Variants in NAALADL2 observed in about 807,000 individuals in gnomAD.
NAALADL2 encodes inactive N-acetylated-alpha-linked acidic dipeptidase-like protein 2.
Under a neutral mutation model 87.2 loss-of-function variants are expected in NAALADL2, and 76 were observed. The observed-to-expected ratio is 0.87, with a 90% CI of 0.72 to 1.05. The LOEUF is 1.05. NAALADL2 is among the 50% of genes least tolerant of loss of function. The pLI is 0.00. For missense variants in NAALADL2, 1,089 were observed against 945.8 expected (o/e 1.15, Z -1.99); for synonymous variants, 354 against 331.0 (o/e 1.07, Z -0.75).
chr3:174,793,401 T>C (rs145220398), intron 3 of NAALADL2, among the ~76,000 whole-genome samples: 2 of 152,304 alleles, frequency 1.3e-5, no homozygotes, highest in East Asian at 1.9e-4. Flanking sequence ...ATACATTATA[T>C]TGATTAATTA....
At chr3:175,622,870 G>A (rs898887450) in intron 10 of NAALADL2, among the ~76,000 whole-genome samples, 2 of 151,980 alleles carry the variant, frequency 1.3e-5, no homozygotes, top group African/African-American at 4.8e-5. Context: ...AGCAGACAAG[G>A]TTTTAGTAAT....
chr3:174,684,310 G>T (rs1727836651), intron 2 of NAALADL2, among the ~76,000 whole-genome samples: 1 of 151,894 alleles, frequency 6.6e-6, no homozygotes. Context: ...CGACTGAATG[G>T]GTATTCAAGA....
At chr3:175,414,165 A>G (rs2149099821) in intron 5 of NAALADL2, among the ~76,000 whole-genome samples, 1 of 152,324 alleles carries the variant, frequency 6.6e-6, no homozygotes, top group Admixed American at 6.5e-5. Context: ...AGACACGGGA[A>G]CAGTATGCCT....
At chr3:174,937,950 G>C (rs1288206620) in intron 1 of NAALADL2, among the ~76,000 whole-genome samples, 2 of 151,966 alleles carry the variant, frequency 1.3e-5, no homozygotes, top group African/African-American at 4.8e-5. Flanking sequence ...TAATTGCAAA[G>C]TTCACTATTT....
At chr3:175,521,375 T>C (rs903186312) in intron 9 of NAALADL2, among the ~76,000 whole-genome samples, 1 of 152,246 alleles carries the variant, frequency 6.6e-6, no homozygotes, top group East Asian at 1.9e-4. Context: ...ATTTTTGTTG[T>C]TCAAAATATA....
chr3:175,566,681 C>T (rs561569756), intron 9 of NAALADL2, among the ~76,000 whole-genome samples: 9 of 152,066 alleles, frequency 5.9e-5, no homozygotes, highest in South Asian at 2.1e-4. Flanking sequence ...ATATAAAAGT[C>T]GCTTTATGTG....
At chr3:175,145,474 C>G (rs1337277510) in intron 2 of NAALADL2, among the ~76,000 whole-genome samples, 1 of 152,068 alleles carries the variant, frequency 6.6e-6, no homozygotes, top group Non-Finnish European at 1.5e-5. Flanking sequence ...TTTCTATTGG[C>G]TTGACGAGCA....
intron 2 of NAALADL2, among the ~76,000 whole-genome samples, chr3:174,693,256 T>C (rs1434560671): frequency 6.6e-6 from 1 of 152,180 alleles, no homozygotes; most frequent in Non-Finnish European, 1.5e-5. Context: ...ACCTGTTTTA[T>C]GACATGGAGA....
intron 10 of NAALADL2, among the ~76,000 whole-genome samples, chr3:175,591,998 AG>A (rs377290631): frequency 0.012 from 1,751 of 152,156 alleles, 32 homozygotes; most frequent in African/African-American, 0.04. Context: ...ATTTCAGCAG[AG>A]AGCAGGTCTT....
chr3:174,505,453 T>C (rs181643801), intron 1 of NAALADL2, among the ~76,000 whole-genome samples: 2 of 152,310 alleles, frequency 1.3e-5, no homozygotes, highest in Admixed American at 6.5e-5. Flanking sequence ...CCAGAGAAGG[T>C]TTAAGATTCA....
intron 1 of NAALADL2, among the ~76,000 whole-genome samples, chr3:175,061,280 T>G (rs1191732213): frequency 6.6e-6 from 1 of 152,202 alleles, no homozygotes; most frequent in African/African-American, 2.4e-5. Context: ...TGGTCTTTCA[T>G]AAGTCAATAA....
chr3:175,595,084 C>T (rs754553735), intron 10 of NAALADL2, among the ~76,000 whole-genome samples: 12 of 151,888 alleles, frequency 7.9e-5, no homozygotes, highest in East Asian at 1.9e-4. Flanking sequence ...AGCCATTGCA[C>T]GAAGGGTATT....
rs533145398 is a variant in NAALADL2, at chr3:174,833,951, A to G, written c.-9+96205A>G. Among the ~76,000 whole-genome samples, 6 of 151,040 alleles carry G rather than the reference A, an allele frequency of 4.0e-5. No individual in the cohort carries two copies. The East Asian group carries it at 1.2e-3, about 30-fold the overall frequency. On this transcript the variant is annotated intron_variant, in intron 3 of 3. Transcript: ENST00000434257. The stretch of plus-strand genomic sequence containing the variant: ...TAAACCTAGAGTAAACATCATACCT[A>G]AGGGTAAAAACTGAATGCTTTCTAC...
intron 2 of NAALADL2, among the ~76,000 whole-genome samples, chr3:174,600,616 A>T (rs981296045): frequency 1.3e-5 from 2 of 152,092 alleles, no homozygotes; most frequent in Admixed American, 1.3e-4. Context: ...AATACCTGAG[A>T]CTGGGTAATT....
intron 2 of NAALADL2, among the ~76,000 whole-genome samples, chr3:174,711,564 TC>T (rs1230830153): frequency 1.3e-5 from 2 of 152,212 alleles, no homozygotes; most frequent in South Asian, 4.1e-4. Context: ...AGGGTAAACT[TC>T]CAAAGTGTGT....
chr3:175,327,157 T>C (rs997977679), intron 5 of NAALADL2, among the ~76,000 whole-genome samples: 4 of 135,966 alleles, frequency 2.9e-5, no homozygotes, highest in African/African-American at 9.7e-5. Context: ...TCTTTTTTTT[T>C]TTTTTTTTTT....
At chr3:175,154,380 TTTAAG>T (rs1463874052) in intron 2 of NAALADL2, among the ~76,000 whole-genome samples, 52 of 152,184 alleles carry the variant, frequency 3.4e-4, no homozygotes, top group African/African-American at 1.3e-3. Context: ...CAACACACTG[TTTAAG>T]TTAAGAGCAT....
At chr3:175,750,014 G>A (rs1176708733) in intron 12 of NAALADL2, among the ~76,000 whole-genome samples, 1 of 152,186 alleles carries the variant, frequency 6.6e-6, no homozygotes, top group East Asian at 1.9e-4. Context: ...CATATATTGT[G>A]TTAAGTTCCT....
Position 175,388,688 on chromosome 3 carries a change from A to G in NAALADL2, c.1091-58541A>G, listed in dbSNP as rs1372351928. Among the ~76,000 whole-genome samples the G allele has an allele frequency of 2.0e-5, 3 of 152,164 alleles. No homozygotes were observed. In the East Asian group the frequency reaches 5.8e-4, roughly 29 times the overall value. On this transcript the variant is annotated intron_variant, in intron 5 of 13. Coordinates refer to ENST00000454872, the MANE Select transcript of NAALADL2 (RefSeq NM_207015.3). ...CACAGACTGCCAGTCCTTTTTTCAC[A>G]TACCTTTTCTATATTACTCATATAA...
Sources: gnomAD v4.1 joint callset for allele counts (sites outside exome capture counted in the v4.1 genomes callset) on GRCh38, gnomAD v4.1.1 for gene constraint, MANE v1.5 for transcripts, NCBI Gene and HGNC (gene_info 2026-07-23, HGNC 2026-07-21) for gene names.